SPATA31D1: variants seen among roughly 807,000 people sequenced by gnomAD.
SPATA31D1 encodes SPATA31 subfamily D member 1.
In SPATA31D1, 6 loss-of-function variants were observed where a neutral mutation model predicts 13.2. The observed-to-expected ratio is 0.46, with a 90% CI of 0.25 to 0.90. SPATA31D1 has a LOEUF of 0.90. Ranked by LOEUF, SPATA31D1 falls within the 40% of genes least tolerant of loss-of-function variation. SPATA31D1 has a pLI of 0.18. For synonymous variants in SPATA31D1, 903 were observed against 718.8 expected (o/e 1.26, Z -4.10); for missense variants, 2,445 against 1,884.7 (o/e 1.30, Z -5.50).
In SPATA31D1 at chr9:81,990,794, C is replaced by T. The variant is rs530979942; in HGVS notation, c.324C>T (p.Cys108=). 13 of 1,611,820 alleles carry T rather than the reference C, an allele frequency of 8.1e-6. No homozygotes were observed. The East Asian group carries it at 2.5e-4, about 30-fold the overall frequency. Residue 108 remains cysteine (C), a synonymous_variant, in exon 4 of 4, where the codon TGC becomes TGT. Coordinates refer to ENST00000344803, the MANE Select transcript of SPATA31D1 (RefSeq NM_001001670.3). ...LLKSFGPPVS[C]SPRGQHHDTN... ...GCAGCTTTGGACCTCCTGTTTCCTG[C>T]AGTCCTCGGGGCCAGCATCATGATA...
At chr9:81,987,727 G>T (rs1349583938), upstream of SPATA31D1, among the ~76,000 whole-genome samples, 1 of 152,048 alleles carries the variant, frequency 6.6e-6, no homozygotes, top group Non-Finnish European at 1.5e-5. Flanking sequence ...GTGAAACCAT[G>T]CCCCAGAGAG....
At chr9:81,989,997 C>A (rs1234475095) in intron 2 of SPATA31D1, 174 bp downstream of exon 2, 2 of 678,058 alleles carry the variant, frequency 2.9e-6, no homozygotes, top group African/African-American at 1.8e-5. Context: ...TGCTCAGAGG[C>A]CCTGCTCTGC....
upstream of SPATA31D1, among the ~76,000 whole-genome samples, chr9:81,987,981 G>A (rs1824884374): frequency 6.6e-6 from 1 of 152,270 alleles, no homozygotes; most frequent in East Asian, 1.9e-4. Context: ...GAATACATGA[G>A]GCAGCGTTAA....
chr9:81,992,649 A>G lies in SPATA31D1; in HGVS notation c.2179A>G (p.Arg727Gly), dbSNP rs1453926660. The G allele has an allele frequency of 6.2e-7, 1 of 1,613,696 alleles. No homozygotes were observed. Among genetic ancestry groups the G allele is most frequent in the East Asian group, 2.2e-5 (1 of 44,892 alleles). The change falls in exon 4 of 4, where the codon AGA becomes GGA. Residue 727 changes from arginine (R) to glycine (G), a missense_variant. Physicochemically the swap from Arg to Gly is moderately radical, Grantham distance 125 (BLOSUM62 -2). Transcript: ENST00000344803. Reference protein sequence around the residue: ...SKISELSVSERIHGPLNISLV... With the variant: ...SKISELSVSEGIHGPLNISLV... ...AATTTCAGAGCTATCTGTGTCAGAGAGAATTCATGGACCGTTAAATATCTC... is the reference window on the plus strand; with the variant it reads ...AATTTCAGAGCTATCTGTGTCAGAGGGAATTCATGGACCGTTAAATATCTC...
chr9:81,989,837 G>C lies in SPATA31D1; in HGVS notation c.232+14G>C. ...GGACATTCAAAGGTAATGTCAGCCT[G>C]CTCTATCTGAGCTTCAGGGGTGACC... is the stretch of plus-strand genomic sequence containing the variant. On this transcript the variant is annotated intron_variant, in intron 2 of 3. Coordinates refer to ENST00000344803, the MANE Select transcript of SPATA31D1 (RefSeq NM_001001670.3). The C allele has an allele frequency of 2.5e-6, 4 of 1,613,084 alleles. No homozygotes were observed. Among genetic ancestry groups the C allele is most frequent in the East Asian group, 2.2e-5 (1 of 44,826 alleles).
Position 81,993,710 on chromosome 9 carries a change from G to T in SPATA31D1, c.3240G>T (p.Arg1080=). 6.2e-7 allele frequency: 1 copy of T among 1,613,990 alleles called. No individual in the cohort carries two copies. Among genetic ancestry groups the T allele is most frequent in the Non-Finnish European group, 8.5e-7 (1 of 1,179,896 alleles). ...ACAATGATCTTACAGAAAGTGTCCG[G>T]ACAACAGAGGATGGCAGACAGACTT... is the stretch of plus-strand genomic sequence containing the variant. ...DTDNDLTESV[R]TTEDGRQTFL... Residue 1080 remains arginine (R), a synonymous_variant, in exon 4 of 4, where the codon CGG becomes CGT. Coordinates refer to ENST00000344803, the MANE Select transcript of SPATA31D1 (RefSeq NM_001001670.3).
Position 81,994,411 on chromosome 9 carries a change from C to G in SPATA31D1, c.3941C>G (p.Ser1314Cys). ...GGAGGGGATGCAGGGCTGGGGACAT[C>G]CCAACGCAGGAGAAAGAGCCTCCCT... ...LDGGDAGLGT[S>C]QRRRKSLPVH... The change falls in exon 4 of 4, where the codon TCC (serine) becomes TGC (cysteine). Residue 1314 changes from serine (S) to cysteine (C), a missense_variant. Transcript: ENST00000344803. The G allele has an allele frequency of 1.2e-6, 2 of 1,613,798 alleles. No individual in the cohort carries two copies. The highest frequency in any genetic ancestry group is 2.2e-5 in the South Asian group (2 of 91,052).
rs1400455928 is a variant in SPATA31D1 at position 81,994,270 on chromosome 9, C to T, written c.3800C>T (p.Ala1267Val). 3 of 1,613,978 alleles carry T rather than the reference C, an allele frequency of 1.9e-6. No individual in the cohort carries two copies. In the Admixed American group the frequency reaches 5.0e-5, roughly 27 times the overall value. The change falls in exon 4 of 4, where the codon GCA becomes GTA. Residue 1267 changes from alanine (A) to valine (V), a missense_variant. Physicochemically the swap from Ala to Val is moderately conservative, Grantham distance 64. Transcript: ENST00000344803. ...TTGGAGGACAGCGGAATCCGTGTGG[C>T]ACAGAAGCAGGAGCCCAGGGTCCCT... is the stretch of plus-strand genomic sequence containing the variant. ...VHLEDSGIRV[A>V]QKQEPRVPTC...
rs781549530 is a variant in SPATA31D1, at chr9:81,994,804, CA to C, written c.4335del (p.Glu1446LysfsTer23). On this transcript the variant is annotated frameshift_variant, in exon 4 of 4. Coordinates refer to ENST00000344803, the MANE Select transcript of SPATA31D1 (RefSeq NM_001001670.3). LOFTEE classifies it low-confidence loss of function (END_TRUNC). The part of the protein sequence containing the change: ...PVGLGKAQHN[P>X]EVHVRAEPVQ... Reference sequence around the variant, plus strand: ...GGGCTTGGGAAAGCTCAGCACAACCCAGAAGTGCATGTCAGAGCAGAGCCTG... The same window carrying C: ...GGGCTTGGGAAAGCTCAGCACAACCCGAAGTGCATGTCAGAGCAGAGCCTG... The C allele has an allele frequency of 6.2e-7, 1 of 1,613,938 alleles. No homozygotes were observed. Among genetic ancestry groups the C allele is most frequent in the East Asian group, 2.2e-5 (1 of 44,872 alleles).
chr9:81,994,138 C>G lies in SPATA31D1; in HGVS notation c.3668C>G (p.Thr1223Ser). Residue 1223 changes from threonine (T) to serine (S), a missense_variant, in exon 4 of 4, where the codon ACT (threonine) becomes AGT (serine). Thr to Ser is a moderately conservative substitution (Grantham distance 58). Transcript: ENST00000344803. The part of the protein sequence containing the change: ...RKHSQPQSHF[T>S]DMSFALDNLS... ...CATAGCCAACCTCAGAGCCATTTCA[C>G]TGACATGTCTTTTGCCTTAGATAAC... The G allele has an allele frequency of 1.9e-6, 3 of 1,614,026 alleles. No individual in the cohort carries two copies. The highest frequency in any genetic ancestry group is 2.5e-6 in the Non-Finnish European group (3 of 1,179,898).
At chr9:81,988,594 G>A (rs1461164556), upstream of SPATA31D1, among the ~76,000 whole-genome samples, 3 of 152,190 alleles carry the variant, frequency 2.0e-5, no homozygotes, top group Non-Finnish European at 4.4e-5. Flanking sequence ...AAGGGATGGA[G>A]TTGGGAAATG....
chr9:81,994,548 T>C lies in SPATA31D1; in HGVS notation c.4078T>C (p.Trp1360Arg). 6.2e-7 allele frequency: 1 copy of C among 1,613,414 alleles called. No homozygotes were observed. Among genetic ancestry groups the C allele is most frequent in the Admixed American group, 1.7e-5 (1 of 59,934 alleles). ...AAAATGGATGAAGACCTCTTTGCAG[T>C]GGTTTAATAAACCCAGCATATCATA... is the stretch of plus-strand genomic sequence containing the variant. ...FRKWMKTSLQWFNKPSISYEE... is the reference protein window; with the variant it reads ...FRKWMKTSLQRFNKPSISYEE... The change falls in exon 4 of 4, where the codon TGG (tryptophan) becomes CGG (arginine). Residue 1360 changes from tryptophan to arginine, a missense_variant. By Grantham distance (101) the Trp-to-Arg change is moderately radical. Coordinates refer to ENST00000344803, the MANE Select transcript of SPATA31D1 (RefSeq NM_001001670.3).
In SPATA31D1 at chr9:81,994,998, C is replaced by T. The variant is rs12341627; in HGVS notation, c.4528C>T (p.Leu1510=). Residue 1510 remains leucine (L), a synonymous_variant, in exon 4 of 4, where the codon CTG becomes TTG. Coordinates refer to ENST00000344803, the MANE Select transcript of SPATA31D1 (RefSeq NM_001001670.3). ...QKVEAFKGKI[L]CQSHPQSMPH... Reference sequence around the variant, plus strand: ...AGTTGAGGCATTTAAGGGGAAGATACTGTGTCAAAGCCATCCCCAATCCAT... The same window carrying T: ...AGTTGAGGCATTTAAGGGGAAGATATTGTGTCAAAGCCATCCCCAATCCAT... The T allele has an allele frequency of 0.11, 176,934 of 1,613,688 alleles. 12,464 individuals are homozygous for T. Among genetic ancestry groups the T allele is most frequent in the African/African-American group, 0.33 (25,091 of 74,914 alleles).
chr9:81,991,694 C>T lies in SPATA31D1; in HGVS notation c.1224C>T (p.Ser408=), dbSNP rs1426559920. ...AGCCTGTTAACATCTCATTTCTCAG[C>T]CATGACATTCTGGCACTCCTGGAGA... ...LIEPVNISFL[S]HDILALLERQ... Residue 408 remains serine, a synonymous_variant, in exon 4 of 4, where the codon AGC becomes AGT. Transcript: ENST00000344803. 4 of 1,613,782 alleles carry T rather than the reference C, an allele frequency of 2.5e-6. No individual in the cohort carries two copies. Among genetic ancestry groups the T allele is most frequent in the African/African-American group, 1.3e-5 (1 of 74,906 alleles).
In SPATA31D1 at chr9:81,994,032, A is replaced by G. The variant is rs373649108; in HGVS notation, c.3562A>G (p.Arg1188Gly). The G allele has an allele frequency of 6.2e-6, 10 of 1,613,782 alleles. No individual in the cohort carries two copies. The highest frequency in any genetic ancestry group is 7.6e-6 in the Non-Finnish European group (9 of 1,179,784). ...TSNETEIFPP[R>G]ISVPQDPKSS... ...CAATGAAACTGAAATTTTCCCACCA[A>G]GAATATCAGTTCCTCAAGATCCTAA... Residue 1188 changes from arginine to glycine, a missense_variant, in exon 4 of 4, where the codon AGA becomes GGA. Physicochemically the swap from Arg to Gly is moderately radical, Grantham distance 125 (BLOSUM62 -2). Coordinates refer to ENST00000344803, the MANE Select transcript of SPATA31D1 (RefSeq NM_001001670.3).
In SPATA31D1 at chr9:81,993,852, G is replaced by T; in HGVS notation, c.3382G>T (p.Asp1128Tyr). ...AGCTGGAGCTGGCTGTGAGTCATGG[G>T]ATAAGAGAAAGAGTTCCTTTCATAA... ...MQAGAGCESW[D>Y]KRKSSFHNVD... Residue 1128 changes from aspartate to tyrosine, a missense_variant, in exon 4 of 4, where the codon GAT (aspartate) becomes TAT (tyrosine). Coordinates refer to ENST00000344803, the MANE Select transcript of SPATA31D1 (RefSeq NM_001001670.3). 1 of 1,614,006 alleles carries T rather than the reference G, an allele frequency of 6.2e-7. No homozygotes were observed. The highest frequency in any genetic ancestry group is 8.5e-7 in the Non-Finnish European group (1 of 1,179,896).
In SPATA31D1 at chr9:81,991,727, C is replaced by T. The variant is rs139704066; in HGVS notation, c.1257C>T (p.Val419=). 22,902 of 1,612,964 alleles carry T rather than the reference C, an allele frequency of 0.014. 199 individuals carry two copies. The highest frequency in any genetic ancestry group is 0.016 in the Non-Finnish European group (18,877 of 1,179,546). Residue 419 remains valine, a synonymous_variant, in exon 4 of 4, where the codon GTC becomes GTT. Coordinates refer to ENST00000344803, the MANE Select transcript of SPATA31D1 (RefSeq NM_001001670.3). The part of the protein sequence containing the change: ...HDILALLERQ[V]KKRGDFLMWK... ...TTCTGGCACTCCTGGAGAGACAAGT[C>T]AAAAAAAGGGGTGATTTCCTGATGT...
chr9:81,989,069 C>T lies in SPATA31D1; in HGVS notation c.186+65C>T, dbSNP rs1824902448. On this transcript the variant is annotated intron_variant, in intron 1 of 3. Coordinates refer to ENST00000344803, the MANE Select transcript of SPATA31D1 (RefSeq NM_001001670.3). ...TTGTTGTTTCCCAATCCTATTCCAA[C>T]ATTTCTAAATAAGTTTGGTTGGTAC... The T allele has an allele frequency of 2.5e-6, 4 of 1,578,092 alleles. No homozygotes were observed. In the African/African-American group the frequency reaches 5.4e-5, roughly 21 times the overall value.
rs764613399 is a variant in SPATA31D1, at chr9:81,993,507, A to G, written c.3037A>G (p.Ile1013Val). ...ATTTTCTGATACTGACCATGACCTTATAGAGACAGATTCCAAAGACGGGGC... is the reference window on the plus strand; with the variant it reads ...ATTTTCTGATACTGACCATGACCTTGTAGAGACAGATTCCAAAGACGGGGC... ...RQFSDTDHDL[I>V]ETDSKDGAST... The change falls in exon 4 of 4, where the codon ATA becomes GTA. Residue 1013 changes from isoleucine to valine, a missense_variant. By Grantham distance (29) the Ile-to-Val change is conservative. Coordinates refer to ENST00000344803, the MANE Select transcript of SPATA31D1 (RefSeq NM_001001670.3). The G allele has an allele frequency of 1.2e-6, 2 of 1,613,938 alleles. No homozygotes were observed. Among genetic ancestry groups the G allele is most frequent in the Admixed American group, 3.3e-5 (2 of 60,018 alleles).
Sources: allele counts gnomAD v4.1 joint callset (sites outside exome capture counted in the v4.1 genomes callset), GRCh38; gene constraint gnomAD v4.1.1; transcripts MANE v1.5; gene names NCBI Gene and HGNC (gene_info 2026-07-23, HGNC 2026-07-21).